Variants in AACS observed in about 807,000 individuals in gnomAD.
AACS encodes acetoacetyl-CoA synthetase, also known as acetoacetate-CoA ligase.
A neutral mutation model predicts 83.1 loss-of-function variants in AACS; 69 were observed. The ratio of observed to expected loss-of-function variants is 0.83; its 90% CI spans 0.68 to 1.01. The LOEUF is 1.01. AACS is among the 50% of genes least tolerant of loss of function. The pLI is 0.00. For synonymous variants in AACS, 333 were observed against 343.4 expected, an observed-to-expected ratio of 0.97 and a Z score of 0.33; for missense variants, 866 against 882.2, an observed-to-expected ratio of 0.98 and a Z score of 0.23.
intron 3 of AACS, 124 bp from the exon 4 acceptor site, chr12:125,086,206 T>C (rs1956335675): frequency 2.6e-6 from 2 of 769,544 alleles, no homozygotes; most frequent in Admixed American, 5.2e-5. Flanking sequence ...TCCCTGCGTC[T>C]GTTTTCCCTG....
At chr12:125,137,863 C>T (rs2136143411) in intron 17 of AACS, among the ~76,000 whole-genome samples, 1 of 152,264 alleles carries the variant, frequency 6.6e-6, no homozygotes, top group African/African-American at 2.4e-5. Context: ...ACTGGGTTCC[C>T]AGGGGAAGCT....
In AACS at chr12:125,097,380, G is replaced by A. The variant is rs1436008418; in HGVS notation, c.571-5299G>A. Reference sequence around the variant, plus strand: ...GCCAGGGGCCAAGTCCCTGTTACCTGTATGTCCCATGCACTTTTTTAAACT... The same window carrying A: ...GCCAGGGGCCAAGTCCCTGTTACCTATATGTCCCATGCACTTTTTTAAACT... On this transcript the variant is annotated intron_variant, in intron 5 of 17. Coordinates refer to ENST00000316519, the MANE Select transcript of AACS (RefSeq NM_023928.5). The surrounding 1 kb of genome is among the most constrained non-coding windows in gnomAD (Gnocchi z 4.3). Among the ~76,000 whole-genome samples the A allele has an allele frequency of 1.3e-5, 2 of 150,850 alleles. No individual in the cohort carries two copies. Among genetic ancestry groups the A allele is most frequent in the Non-Finnish European group, 2.9e-5 (2 of 67,876 alleles).
chr12:125,081,744 C>T (rs575245500), intron 3 of AACS, among the ~76,000 whole-genome samples: 11 of 152,058 alleles, frequency 7.2e-5, no homozygotes, highest in Non-Finnish European at 1.3e-4. Flanking sequence ...ATCAGCTTAC[C>T]GAGTATTTTC....
intron 5 of AACS, chr12:125,102,169 G>C (rs529647710): frequency 1.3e-5 from 2 of 154,630 alleles, no homozygotes; most frequent in South Asian, 4.0e-4. Flanking sequence ...TCCTGCGTCA[G>C]CCTCTGAAGT....
At chr12:125,090,666 A>G (rs1327335541) in intron 4 of AACS, among the ~76,000 whole-genome samples, 1 of 149,668 alleles carries the variant, frequency 6.7e-6, no homozygotes, top group Non-Finnish European at 1.5e-5. Context: ...TCTATCCTCC[A>G]TCTGTCATCC....
intron 16 of AACS, among the ~76,000 whole-genome samples, chr12:125,135,328 C>T (rs1957386573): frequency 6.6e-6 from 1 of 152,072 alleles, no homozygotes; most frequent in South Asian, 2.1e-4. Context: ...CTCCTGACCT[C>T]AAGTGATCCG....
In AACS at chr12:125,094,770, T is replaced by A. The variant is rs895605659; in HGVS notation, c.570+3247T>A. On this transcript the variant is annotated intron_variant, in intron 5 of 17. Coordinates refer to ENST00000316519, the MANE Select transcript of AACS (RefSeq NM_023928.5). This position sits in a 1 kb window ranked among gnomAD's most constrained non-coding sequence, Gnocchi z 4.1. ...GCATCGCCAGGTTGGGGAAGTGCTC[T>A]GTTCTAAGGGTTCCCAACCTTTCCA... 1.1e-4 allele frequency among the ~76,000 whole-genome samples: 16 copies of A among 152,254 alleles called. No homozygotes were observed. The highest frequency in any genetic ancestry group is 3.9e-4 in the African/African-American group (16 of 41,464).
At chr12:125,074,083 C>T in intron 2 of AACS, 104 bp downstream of exon 2, 3 of 920,326 alleles carry the variant, frequency 3.3e-6, no homozygotes, top group Non-Finnish European at 5.1e-6. Flanking sequence ...TTTACAACCT[C>T]ATGCAGATGG....
intron 5 of AACS, among the ~76,000 whole-genome samples, chr12:125,095,534 G>C (rs1425811970): frequency 6.6e-6 from 1 of 152,144 alleles, no homozygotes; most frequent in Non-Finnish European, 1.5e-5. Context: ...GGCTCTCTCT[G>C]TTTCTTCCCT....
chr12:125,128,591 T>G (rs1286120111), intron 13 of AACS: 2 of 206,068 alleles, frequency 9.7e-6, no homozygotes, highest in Non-Finnish European at 1.9e-5. Context: ...CAGCCAGCTC[T>G]GAGCTTCTGA....
At position 125,128,223 on chromosome 12, in the gene AACS, G is replaced by A; in HGVS notation, c.1372G>A (p.Glu458Lys). 6.2e-7 allele frequency: 1 copy of A among 1,613,362 alleles called. No individual in the cohort carries two copies. Among genetic ancestry groups the A allele is most frequent in the Non-Finnish European group, 8.5e-7 (1 of 1,179,470 alleles). The change falls in exon 13 of 18, where the codon GAG (glutamate) becomes AAG (lysine). Residue 458 changes from glutamate to lysine, a missense_variant. Transcript: ENST00000316519. The part of the protein sequence containing the change: ...HNFSLPVYKG[E>K]IQARNLGMAV... Reference sequence around the variant, plus strand: ...TTTTTCTCTTCCTGTGTATAAAGGGGAGATTCAGGCCCGGAACCTGGGCAT... The same window carrying A: ...TTTTTCTCTTCCTGTGTATAAAGGGAAGATTCAGGCCCGGAACCTGGGCAT...
At chr12:125,109,340 C>T (rs1956901035) in intron 8 of AACS, among the ~76,000 whole-genome samples, 1 of 152,114 alleles carries the variant, frequency 6.6e-6, no homozygotes, top group African/African-American at 2.4e-5. Context: ...TGGTCATGAA[C>T]TCTTGGGCTC....
chr12:125,085,220 T>C (rs1024790799), intron 3 of AACS, among the ~76,000 whole-genome samples: 7 of 152,266 alleles, frequency 4.6e-5, no homozygotes, highest in African/African-American at 1.7e-4. Flanking sequence ...GCATGTTTCA[T>C]CCATGTCTAT....
intron 3 of AACS, among the ~76,000 whole-genome samples, chr12:125,082,694 G>T (rs1956222901): frequency 6.6e-6 from 1 of 152,100 alleles, no homozygotes; most frequent in Non-Finnish European, 1.5e-5. Context: ...GGTGGCGGGT[G>T]CCTGTAGTAC....
At chr12:125,125,072 A>G (rs368373480) in intron 12 of AACS, 48 bp downstream of exon 12, 22 of 1,612,132 alleles carry the variant, frequency 1.4e-5, no homozygotes, top group Non-Finnish European at 1.7e-5. Flanking sequence ...CGCCGGCCCC[A>G]TAAGTATGCA....
At chr12:125,104,522 C>G (rs562481705) in intron 7 of AACS, among the ~76,000 whole-genome samples, 21 of 152,236 alleles carry the variant, frequency 1.4e-4, no homozygotes, top group African/African-American at 5.1e-4. Flanking sequence ...AGGATGTGCC[C>G]AGGGGTTGAC....
Position 125,140,462 on chromosome 12 carries a change from A to AGAGAGACAG in AACS, c.1882-1629_1882-1628insAGAGACAGG. 1 of 152,252 alleles carries AGAGAGACAG rather than the reference A, an allele frequency of 6.6e-6. No individual in the cohort carries two copies. The highest frequency in any genetic ancestry group is 1.5e-5 in the Non-Finnish European group (1 of 68,048). The allele number at this position is 152,252 out of a possible 1,614,324, so 9.4% of individuals were successfully genotyped here. A position where few individuals can be genotyped will look rare whatever the true frequency, so the allele number is the denominator to read the frequency against. The stretch of plus-strand genomic sequence containing the variant: ...TGTGAAGCGTAGCAGGGCACAGAGC[A>AGAGAGACAG]GGCGAGACGTTTGCATCTCACAGCG... On this transcript the variant is annotated intron_variant, in intron 17 of 17. Transcript: ENST00000316519. This position sits in a 1 kb window ranked among gnomAD's most constrained non-coding sequence, Gnocchi z 5.1.
chr12:125,081,097 A>G (rs902996447), intron 3 of AACS, among the ~76,000 whole-genome samples: 3 of 152,086 alleles, frequency 2.0e-5, no homozygotes, highest in Non-Finnish European at 4.4e-5. Flanking sequence ...AGTTCAAGCC[A>G]TCCTTCCACC....
At position 125,142,221 on chromosome 12, in the gene AACS, G is replaced by A. The variant is rs1565960631; in HGVS notation, c.2011G>A (p.Gly671Ser). The A allele has an allele frequency of 6.2e-7, 1 of 1,613,766 alleles. No individual in the cohort carries two copies. The highest frequency in any genetic ancestry group is 8.5e-7 in the Non-Finnish European group (1 of 1,179,858). The change falls in exon 18 of 18, where the codon GGC (glycine) becomes AGC (serine). Residue 671 changes from glycine (G) to serine (S), a missense_variant. Physicochemically the swap from Gly to Ser is moderately conservative, Grantham distance 56. Coordinates refer to ENST00000316519, the MANE Select transcript of AACS (RefSeq NM_023928.5). The stretch of plus-strand genomic sequence containing the variant: ...GTACCGGGACATCCCTGAGCTGCAG[G>A]GCTTCTGAGTCAGACTGGCTGGCGT... ...DLYRDIPELQ[G>S]F
Sources: allele counts gnomAD v4.1 joint callset (sites outside exome capture counted in the v4.1 genomes callset), GRCh38; gene constraint gnomAD v4.1.1; non-coding constraint Gnocchi (gnomAD v3.1); transcripts MANE v1.5; gene names NCBI Gene and HGNC (gene_info 2026-07-23, HGNC 2026-07-21).